Variants in ITGB8 observed in about 807,000 individuals in gnomAD.
ITGB8 encodes the protein integrin beta-8.
ITGB8 carries 30 observed loss-of-function variants against 89.5 expected under a neutral mutation model. That is an observed-to-expected ratio of 0.34 (90% CI 0.25 to 0.45). ITGB8 has a LOEUF of 0.45. Among genes scored for constraint, ITGB8 ranks in the 20% least tolerant of loss-of-function variants. The pLI is 1.00. For synonymous variants in ITGB8, 335 were observed against 320.4 expected (o/e 1.05, Z -0.49); for missense variants, 836 against 933.3 (o/e 0.90, Z 1.36).
At chr7:20,368,515 C>T (rs1274289524) in intron 3 of ITGB8, among the ~76,000 whole-genome samples, 1 of 152,128 alleles carries the variant, frequency 6.6e-6, no homozygotes, top group Non-Finnish European at 1.5e-5. Flanking sequence ...AAGCTGTTAA[C>T]CATCTTTATC....
intron 12 of ITGB8, among the ~76,000 whole-genome samples, chr7:20,408,385 A>G (rs1193635365): frequency 1.3e-5 from 2 of 151,934 alleles, no homozygotes; most frequent in African/African-American, 4.8e-5. Context: ...CACAAAAAAA[A>G]AAAAAAAAAA....
At chr7:20,368,574 T>G (rs2127948884) in intron 3 of ITGB8, among the ~76,000 whole-genome samples, 1 of 152,338 alleles carries the variant, frequency 6.6e-6, no homozygotes, top group South Asian at 2.1e-4. Flanking sequence ...CCTATTTTTC[T>G]AATTGAATGC....
At chr7:20,376,985 CT>C (rs1416006447) in intron 3 of ITGB8, among the ~76,000 whole-genome samples, 1 of 152,194 alleles carries the variant, frequency 6.6e-6, no homozygotes, top group African/African-American at 2.4e-5. Flanking sequence ...AGCCTCTCTT[CT>C]TTGCTGAGGC....
At chr7:20,367,803 C>T (rs1029432788) in intron 3 of ITGB8, among the ~76,000 whole-genome samples, 1 of 152,184 alleles carries the variant, frequency 6.6e-6, no homozygotes, top group African/African-American at 2.4e-5. Context: ...TGTACTTCCC[C>T]TTCCTTCACA....
rs1787531979 is a variant in ITGB8 at position 20,406,120 on chromosome 7, A to G, written c.1972A>G (p.Lys658Glu). 6 of 1,613,642 alleles carry G rather than the reference A, an allele frequency of 3.7e-6. No homozygotes were observed. The East Asian group carries it at 1.3e-4, about 36-fold the overall frequency. ...NLSQAILDQCKTSCALMEQQH... is the reference protein window; with the variant it reads ...NLSQAILDQCETSCALMEQQH... ...GTCTCAGGCTATACTTGATCAGTGC[A>G]AAACCTCATGTGCTCTCATGGAACA... Residue 658 changes from lysine (K) to glutamate (E), a missense_variant, in exon 12 of 14, where the codon AAA becomes GAA. Physicochemically the swap from Lys to Glu is moderately conservative, Grantham distance 56. Around this residue, in one of 5 missense-constraint regions of ITGB8, gnomAD observed 422 missense variants for 416.9 expected, o/e 1.01. Coordinates refer to ENST00000222573, the MANE Select transcript of ITGB8 (RefSeq NM_002214.3).
chr7:20,370,600 T>TTTATTA (rs67123203), intron 3 of ITGB8, among the ~76,000 whole-genome samples: 33,730 of 144,244 alleles, frequency 0.23, 4,758 homozygotes, highest in Non-Finnish European at 0.32. Flanking sequence ...TATTTACTTA[T>TTTATTA]TTATTATTAT....
At chr7:20,396,766 A>T (rs952143295) in intron 8 of ITGB8, among the ~76,000 whole-genome samples, 1 of 152,214 alleles carries the variant, frequency 6.6e-6, no homozygotes, top group Non-Finnish European at 1.5e-5. Context: ...CAAAAAAAGT[A>T]TATAAATTTA....
intron 8 of ITGB8, among the ~76,000 whole-genome samples, chr7:20,397,308 C>T (rs887373315): frequency 6.6e-6 from 1 of 151,982 alleles, no homozygotes; most frequent in Non-Finnish European, 1.5e-5. Flanking sequence ...CTCACTGCAA[C>T]CTCCACCTCC....
intron 1 of ITGB8, chr7:20,352,889 A>G (rs1369646918): frequency 6.6e-6 from 1 of 152,120 alleles, no homozygotes; most frequent in African/African-American, 2.4e-5. Flanking sequence ...TTATATAGTC[A>G]CCCCATGTGT....
intron 1 of ITGB8, among the ~76,000 whole-genome samples, chr7:20,361,411 T>G (rs898018621): frequency 2.0e-5 from 3 of 152,226 alleles, no homozygotes; most frequent in African/African-American, 7.2e-5. Context: ...TTCTTACAGC[T>G]CTGGAGGCTG....
chr7:20,374,543 A>G (rs1382684650), intron 3 of ITGB8, among the ~76,000 whole-genome samples: 1 of 151,968 alleles, frequency 6.6e-6, no homozygotes, highest in African/African-American at 2.4e-5. Context: ...TTGTATGGTA[A>G]ACACTAAAAT....
In ITGB8 at chr7:20,415,742, T is replaced by A. The variant is rs1787904357; in HGVS notation, c.*5745T>A. 1 of 152,290 alleles carries A rather than the reference T, an allele frequency of 6.6e-6. No individual in the cohort carries two copies. Among genetic ancestry groups the A allele is most frequent in the African/African-American group, 2.4e-5 (1 of 41,456 alleles). 9.4% of individuals were successfully genotyped at this position (152,290 alleles called of 1,614,324 possible). On this transcript the variant is annotated 3_prime_UTR_variant, in exon 14 of 14. Coordinates refer to ENST00000222573, the MANE Select transcript of ITGB8 (RefSeq NM_002214.3). ...GAAATTCTCTGTTTTAAAATAAAAA[T>A]GTAAAAATCTAAGAATATGCAAAAC...
chr7:20,369,519 C>T (rs79078804), intron 3 of ITGB8, among the ~76,000 whole-genome samples: 4,633 of 152,208 alleles, frequency 0.03, 92 homozygotes, highest in Non-Finnish European at 0.042. Flanking sequence ...CCCATCATGT[C>T]GGCTCCATCC....
intron 1 of ITGB8, chr7:20,346,770 GA>G: frequency 1.0e-6 from 1 of 985,376 alleles, no homozygotes; most frequent in Non-Finnish European, 1.2e-6. Flanking sequence ...GATTATACCT[GA>G]AGGGGGCTCC....
At chr7:20,404,958 A>G in intron 11 of ITGB8, 105 bp downstream of exon 11, 2 of 929,710 alleles carry the variant, frequency 2.2e-6, no homozygotes, top group Non-Finnish European at 3.4e-6. Context: ...TGTGACCACC[A>G]TGCTAAAAAA....
chr7:20,355,459 G>A (rs1255081551), intron 1 of ITGB8, among the ~76,000 whole-genome samples: 1 of 152,096 alleles, frequency 6.6e-6, no homozygotes, highest in East Asian at 1.9e-4. Flanking sequence ...GAGCTACTAT[G>A]TAAGAATTGA....
intron 11 of ITGB8, 90 bp downstream of exon 11, chr7:20,404,943 T>A: frequency 9.2e-7 from 1 of 1,088,202 alleles, no homozygotes; most frequent in Non-Finnish European, 1.4e-6. Flanking sequence ...CGTTGCCAGA[T>A]ACATTGTGAC....
chr7:20,399,427 G>C (rs552699376), intron 9 of ITGB8, among the ~76,000 whole-genome samples: 5 of 152,108 alleles, frequency 3.3e-5, no homozygotes. Flanking sequence ...GGGAATGATA[G>C]AACAGTTGAT....
At chr7:20,351,972 G>C (rs1785130347) in intron 1 of ITGB8, among the ~76,000 whole-genome samples, 2 of 152,166 alleles carry the variant, frequency 1.3e-5, no homozygotes, top group Non-Finnish European at 2.9e-5. Flanking sequence ...TAGTGTGTTA[G>C]ATTGAAAACA....
Sources: allele counts gnomAD v4.1 joint callset (sites outside exome capture counted in the v4.1 genomes callset), GRCh38; gene constraint gnomAD v4.1.1; regional missense constraint gnomAD v4.1.1; transcripts MANE v1.5; gene names NCBI Gene and HGNC (gene_info 2026-07-23, HGNC 2026-07-21).